The following NEGR1 variants were observed in gnomAD, a reference collection of about 807,000 sequenced individuals.
NEGR1 encodes the protein IgLON family member 4.
NEGR1 carries 10 observed loss-of-function variants against 40.9 expected under a neutral mutation model. That is an observed-to-expected ratio of 0.24 (90% CI 0.15 to 0.42). The LOEUF is 0.42. Ranked by LOEUF, NEGR1 falls within the 10% of genes least tolerant of loss-of-function variation. NEGR1 has a pLI of 1.00. For synonymous variants in NEGR1, 185 were observed against 166.8 expected, an observed-to-expected ratio of 1.11 and a Z score of -0.84; for missense variants, 352 against 438.9, an observed-to-expected ratio of 0.80 and a Z score of 1.77.
chr1:71,595,480 A>T (rs1178955148), intron 5 of NEGR1, among the ~76,000 whole-genome samples: 1 of 152,170 alleles, frequency 6.6e-6, no homozygotes, highest in Non-Finnish European at 1.5e-5. Flanking sequence ...TTTGTGGGAG[A>T]GTGACTTCTG....
intron 1 of NEGR1, among the ~76,000 whole-genome samples, chr1:72,139,010 C>T (rs1167614278): frequency 6.6e-6 from 1 of 150,762 alleles, no homozygotes; most frequent in Non-Finnish European, 1.5e-5. Flanking sequence ...GTTCTCATTC[C>T]ACAATAAAAT....
In NEGR1 at chr1:71,404,021, C is replaced by G; in HGVS notation, c.*3425G>C. On this transcript the variant is annotated 3_prime_UTR_variant, in exon 7 of 7. Coordinates refer to ENST00000357731, the MANE Select transcript of NEGR1 (RefSeq NM_173808.3). ...TTTATTGAAAAGATTAAATAGGTAA[C>G]TTTTGGCTGTGTCACAAAGCTAAGC... The G allele has an allele frequency of 3.0e-6, 1 of 333,648 alleles. No individual in the cohort carries two copies. Among genetic ancestry groups the G allele is most frequent in the Non-Finnish European group, 5.5e-6 (1 of 182,196 alleles). The allele number at this position is 333,648 out of a possible 1,614,324, so 20.7% of individuals were successfully genotyped here. A position where few individuals can be genotyped will look rare whatever the true frequency, so the allele number is the denominator to read the frequency against.
chr1:71,750,773 A>G (rs1187857979), intron 3 of NEGR1, among the ~76,000 whole-genome samples: 3 of 152,112 alleles, frequency 2.0e-5, no homozygotes, highest in African/African-American at 7.2e-5. Flanking sequence ...TGTATTACTT[A>G]ATCATTTATA....
chr1:72,145,441 G>C (rs1000239857), intron 1 of NEGR1, among the ~76,000 whole-genome samples: 1 of 152,108 alleles, frequency 6.6e-6, no homozygotes, highest in African/African-American at 2.4e-5. Context: ...GCAGAAAATA[G>C]AGTTTGCAAG....
chr1:71,434,005 G>A (rs1203741369), intron 6 of NEGR1, among the ~76,000 whole-genome samples: 1 of 152,154 alleles, frequency 6.6e-6, no homozygotes, highest in Non-Finnish European at 1.5e-5. Context: ...AATAAGCCTT[G>A]TTTCAATGGC....
chr1:71,974,309 C>T (rs1646283752), intron 1 of NEGR1, among the ~76,000 whole-genome samples: 1 of 152,058 alleles, frequency 6.6e-6, no homozygotes, highest in Non-Finnish European at 1.5e-5. Context: ...AGATTAGGTT[C>T]ACATTAATAT....
chr1:71,697,930 C>A, intron 4 of NEGR1, 78 bp downstream of exon 4: 2 of 1,406,710 alleles, frequency 1.4e-6, no homozygotes, highest in Non-Finnish European at 1.9e-6. Flanking sequence ...AAAACAGCAA[C>A]ATAAATTTCA....
chr1:71,564,139 C>T (rs956028893), intron 6 of NEGR1, among the ~76,000 whole-genome samples: 1 of 151,942 alleles, frequency 6.6e-6, no homozygotes, highest in African/African-American at 2.4e-5. Flanking sequence ...CAGGCCCCAG[C>T]GCAGATGTAG....
At position 71,858,447 on chromosome 1, in the gene NEGR1, T is replaced by A. The variant is rs541479224; in HGVS notation, c.409+76632A>T. On this transcript the variant is annotated intron_variant, in intron 2 of 6. Transcript: ENST00000357731. ...AGAAAAACCTGAACTTCATGGGTTT[T>A]AATGGGAAATAATTATTACAGTGGA... Among the ~76,000 whole-genome samples, 11 of 152,200 alleles carry A rather than the reference T, an allele frequency of 7.2e-5. No homozygotes were observed. In the East Asian group the frequency reaches 2.1e-3, roughly 29 times the overall value.
chr1:72,216,402 C>CATAT (rs56767155), intron 1 of NEGR1, among the ~76,000 whole-genome samples: 30 of 119,540 alleles, frequency 2.5e-4, no homozygotes, highest in African/African-American at 8.0e-4. Context: ...TATATATATA[C>CATAT]ATATATATAT....
chr1:71,931,808 T>C (rs1042542661), intron 2 of NEGR1, among the ~76,000 whole-genome samples: 1 of 152,172 alleles, frequency 6.6e-6, no homozygotes, highest in Non-Finnish European at 1.5e-5. Flanking sequence ...TGTCTATATT[T>C]CATGTTTCTC....
chr1:71,970,944 C>A (rs1646251403), intron 1 of NEGR1, among the ~76,000 whole-genome samples: 2 of 152,132 alleles, frequency 1.3e-5, no homozygotes, highest in African/African-American at 4.8e-5. Context: ...TAATTTGACT[C>A]AAAACCTCAG....
intron 1 of NEGR1, among the ~76,000 whole-genome samples, chr1:72,230,550 G>T (rs528202440): frequency 3.9e-5 from 6 of 152,178 alleles, no homozygotes; most frequent in South Asian, 2.1e-4. Context: ...AAAGCACTAT[G>T]CCCTTTAGCT....
At chr1:71,520,868 C>G (rs1000315063) in intron 6 of NEGR1, among the ~76,000 whole-genome samples, 20 of 152,006 alleles carry the variant, frequency 1.3e-4, no homozygotes, top group Admixed American at 4.6e-4. Flanking sequence ...AGTTACCCTG[C>G]TTTTACTTGC....
intron 2 of NEGR1, among the ~76,000 whole-genome samples, chr1:71,884,879 T>G (rs1424264590): frequency 6.6e-6 from 1 of 152,202 alleles, no homozygotes; most frequent in Non-Finnish European, 1.5e-5. Flanking sequence ...TAAACACCTT[T>G]CTCTATATAT....
chr1:71,939,163 TC>T (rs1645937029), intron 1 of NEGR1, among the ~76,000 whole-genome samples: 1 of 152,138 alleles, frequency 6.6e-6, no homozygotes, highest in Admixed American at 6.6e-5. Flanking sequence ...TGCTATTTCT[TC>T]CCTGCAACTT....
At chr1:71,864,768 C>A (rs188004921) in intron 2 of NEGR1, among the ~76,000 whole-genome samples, 2 of 152,170 alleles carry the variant, frequency 1.3e-5, no homozygotes, top group East Asian at 3.9e-4. Context: ...AAAACACAAA[C>A]AGAAGAACTC....
chr1:71,499,368 A>G (rs1255412239), intron 6 of NEGR1, among the ~76,000 whole-genome samples: 1 of 151,158 alleles, frequency 6.6e-6, no homozygotes, highest in Non-Finnish European at 1.5e-5. Context: ...GCAAAGATGT[A>G]CCATGTGTTC....
At chr1:71,888,721 C>A (rs1382580051) in intron 2 of NEGR1, among the ~76,000 whole-genome samples, 1 of 89,604 alleles carries the variant, frequency 1.1e-5, no homozygotes, top group Non-Finnish European at 2.3e-5. Context: ...CACCACAGCT[C>A]AAGGAGGCCT....
Sources: allele counts gnomAD v4.1 joint callset (sites outside exome capture counted in the v4.1 genomes callset), GRCh38; gene constraint gnomAD v4.1.1; transcripts MANE v1.5; gene names NCBI Gene and HGNC (gene_info 2026-07-23, HGNC 2026-07-21).